TCF4: variants seen among roughly 807,000 people sequenced by gnomAD.
The protein encoded by TCF4 is transcription factor 4.
TCF4 carries 3 observed loss-of-function variants against 82.1 expected under a neutral mutation model. That is an observed-to-expected ratio of 0.04 (90% CI 0.02 to 0.09). The LOEUF is 0.09. Ranked by LOEUF, TCF4 falls within the 10% of genes least tolerant of loss-of-function variation. The pLI is 1.00. For missense variants in TCF4, 518 were observed against 852.7 expected (o/e 0.61, Z 4.89); for synonymous variants, 276 against 309.6 (o/e 0.89, Z 1.14).
chr18:55,339,405 T>A (rs2079331569), intron 8 of TCF4, among the ~76,000 whole-genome samples: 1 of 152,202 alleles, frequency 6.6e-6, no homozygotes, highest in African/African-American at 2.4e-5. Flanking sequence ...GGAAGTTTGA[T>A]GAAAACCAAT....
intron 5 of TCF4, among the ~76,000 whole-genome samples, chr18:55,406,730 C>G (rs1212563126): frequency 6.6e-6 from 1 of 152,180 alleles, no homozygotes; most frequent in Non-Finnish European, 1.5e-5. Flanking sequence ...CCATTCTTCA[C>G]CACCCGCCTC....
chr18:55,319,213 T>C (rs1190954677), intron 8 of TCF4, among the ~76,000 whole-genome samples: 2 of 152,180 alleles, frequency 1.3e-5, no homozygotes, highest in Non-Finnish European at 2.9e-5. Context: ...TCAAGAAATG[T>C]AAAGTCTCTT....
upstream of TCF4, chr18:55,588,294 G>T: frequency 6.9e-7 from 1 of 1,446,690 alleles, no homozygotes; most frequent in Middle Eastern, 2.6e-4. Flanking sequence ...CGAGGCGCAC[G>T]GAATTGCAAG....
At chr18:55,510,158 A>G (rs1245605149) in intron 3 of TCF4, among the ~76,000 whole-genome samples, 12 of 152,032 alleles carry the variant, frequency 7.9e-5, no homozygotes, top group Non-Finnish European at 1.8e-4. Context: ...CAGTAACCAC[A>G]TTTTCTGACT....
intron 6 of TCF4, among the ~76,000 whole-genome samples, chr18:55,384,681 T>C (rs75885966): frequency 1.1e-3 from 161 of 152,290 alleles, no homozygotes; most frequent in African/African-American, 3.5e-3. Flanking sequence ...GCCAAAGTTA[T>C]CCATCCACCT....
At chr18:55,307,966 T>C (rs1360723285) in intron 8 of TCF4, among the ~76,000 whole-genome samples, 1 of 152,226 alleles carries the variant, frequency 6.6e-6, no homozygotes, top group African/African-American at 2.4e-5. Context: ...GGCTAGCCCA[T>C]TCATCTGTTG....
At position 55,585,353 on chromosome 18, in the gene TCF4, C is replaced by A; in HGVS notation, c.73-1G>T. ...CACTGCTCACAGGAGGTGAAAACAT[C>A]TAAAAGAAACAAAGAAATATTACAG... On this transcript the variant is annotated splice_acceptor_variant, in intron 2 of 19. Coordinates refer to ENST00000354452, the MANE Select transcript of TCF4 (RefSeq NM_001083962.2). LOFTEE classifies it high-confidence loss of function. 1 of 1,613,624 alleles carries A rather than the reference C, an allele frequency of 6.2e-7. No homozygotes were observed. Among genetic ancestry groups the A allele is most frequent in the South Asian group, 1.1e-5 (1 of 91,074 alleles).
intron 8 of TCF4, among the ~76,000 whole-genome samples, chr18:55,322,990 GA>G (rs1346095659): frequency 8.5e-5 from 13 of 152,300 alleles, no homozygotes; most frequent in African/African-American, 3.1e-4. Flanking sequence ...TTAAGAACGT[GA>G]AAACCTTTGT....
At chr18:55,440,337 G>A (rs1285526151) in intron 5 of TCF4, among the ~76,000 whole-genome samples, 3 of 152,026 alleles carry the variant, frequency 2.0e-5, no homozygotes, top group African/African-American at 2.4e-5. Context: ...GGTGACTACC[G>A]CTAAGCTTTG....
chr18:55,585,596 G>T, intron 2 of TCF4: 1 of 600,406 alleles, frequency 1.7e-6, no homozygotes, highest in South Asian at 2.2e-5. Flanking sequence ...CAGTACTACT[G>T]CTACATTTGG....
At chr18:55,352,873 C>T (rs921566492) in intron 6 of TCF4, among the ~76,000 whole-genome samples, 3 of 152,210 alleles carry the variant, frequency 2.0e-5, no homozygotes, top group South Asian at 4.1e-4. Context: ...TTTGAAATTT[C>T]CATCAATAAA....
At chr18:55,587,445 A>G (rs972773621) in intron 1 of TCF4, among the ~76,000 whole-genome samples, 3 of 151,576 alleles carry the variant, frequency 2.0e-5, no homozygotes, top group Non-Finnish European at 4.4e-5. Context: ...GGGAAAGAAA[A>G]AAAAAAAGCC....
intron 1 of TCF4, 181 bp from the exon 2 acceptor site, chr18:55,587,317 G>T: frequency 6.0e-6 from 1 of 166,128 alleles, no homozygotes. Context: ...GTTTTTTTAA[G>T]ATGGAATAGG....
chr18:55,330,713 G>A (rs911698286), intron 8 of TCF4, among the ~76,000 whole-genome samples: 4 of 151,592 alleles, frequency 2.6e-5, no homozygotes, highest in Non-Finnish European at 5.9e-5. Flanking sequence ...TTACCAGCAT[G>A]CACCACTACC....
chr18:55,388,834 C>T (rs2092819871), intron 6 of TCF4, among the ~76,000 whole-genome samples: 1 of 152,048 alleles, frequency 6.6e-6, no homozygotes, highest in South Asian at 2.1e-4. Flanking sequence ...AAAAATAATC[C>T]CAGCCTCGGC....
At chr18:55,490,736 G>C (rs2096567361) in intron 3 of TCF4, among the ~76,000 whole-genome samples, 1 of 152,162 alleles carries the variant, frequency 6.6e-6, no homozygotes, top group African/African-American at 2.4e-5. Flanking sequence ...CATAAGGCCA[G>C]AGAAAGGAAT....
chr18:55,552,320 T>C (rs148035076), intron 3 of TCF4, among the ~76,000 whole-genome samples: 1 of 152,328 alleles, frequency 6.6e-6, no homozygotes, highest in East Asian at 1.9e-4. Flanking sequence ...GTCATTAATA[T>C]ATAATACATA....
At chr18:55,235,629 A>C (rs565925114) in intron 15 of TCF4, among the ~76,000 whole-genome samples, 1 of 152,346 alleles carries the variant, frequency 6.6e-6, no homozygotes, top group African/African-American at 2.4e-5. Flanking sequence ...CCTACTTCAT[A>C]GCACATGCCT....
chr18:55,485,568 C>T (rs2096501592), intron 3 of TCF4, among the ~76,000 whole-genome samples: 1 of 152,242 alleles, frequency 6.6e-6, no homozygotes, highest in Admixed American at 6.5e-5. Context: ...CTCACCTCTC[C>T]TGGTCCCTGT....
Sources: allele counts gnomAD v4.1 joint callset (sites outside exome capture counted in the v4.1 genomes callset), GRCh38; gene constraint gnomAD v4.1.1; transcripts MANE v1.5; gene names NCBI Gene and HGNC (gene_info 2026-07-23, HGNC 2026-07-21).